MTSS1: variants seen among roughly 807,000 people sequenced by gnomAD.
MTSS1 encodes the protein protein MTSS 1.
A neutral mutation model predicts 79.0 loss-of-function variants in MTSS1; 18 were observed. The observed-to-expected ratio is 0.23, with a 90% CI of 0.16 to 0.34. MTSS1 has a LOEUF of 0.34. Among genes scored for constraint, MTSS1 ranks in the 10% least tolerant of loss-of-function variants. The pLI, the probability that MTSS1 is intolerant of heterozygous loss-of-function variation, is 1.00. For missense variants in MTSS1, 815 were observed against 986.2 expected (o/e 0.83, Z 2.33); for synonymous variants, 341 against 368.6 (o/e 0.93, Z 0.86).
At chr8:124,563,732 A>C (rs952460862) in intron 9 of MTSS1, among the ~76,000 whole-genome samples, 2 of 152,230 alleles carry the variant, frequency 1.3e-5, no homozygotes, top group Non-Finnish European at 2.9e-5. Flanking sequence ...GACTAAGGGC[A>C]ATCAATGCTC....
chr8:124,596,288 C>T (rs995138078), intron 3 of MTSS1, among the ~76,000 whole-genome samples: 3 of 152,022 alleles, frequency 2.0e-5, no homozygotes, highest in African/African-American at 4.8e-5. Context: ...CAGGAACCAA[C>T]GTGTTGCTAA....
At chr8:124,595,646 C>A (rs761100620) in intron 3 of MTSS1, among the ~76,000 whole-genome samples, 8 of 152,224 alleles carry the variant, frequency 5.3e-5, no homozygotes, top group Non-Finnish European at 8.8e-5. Flanking sequence ...CACCTCCCTG[C>A]CTCAAGACCC....
rs117574786 is a variant in MTSS1 at position 124,666,543 on chromosome 8, G to A, written c.208+32983C>T. Among the ~76,000 whole-genome samples, 131 of 152,172 alleles carry A rather than the reference G, an allele frequency of 8.6e-4. 2 individuals carry two copies. The East Asian group carries it at 0.02, about 23-fold the overall frequency. On this transcript the variant is annotated intron_variant, in intron 3 of 13. Transcript: ENST00000518547. Reference sequence around the variant, plus strand: ...AATGCATGGTCTAGCATGGGCATCCGGCTAAGTTCGCCACCGGGATCCACA... The same window carrying A: ...AATGCATGGTCTAGCATGGGCATCCAGCTAAGTTCGCCACCGGGATCCACA...
chr8:124,648,940 G>C (rs764678608), intron 3 of MTSS1, among the ~76,000 whole-genome samples: 8 of 152,240 alleles, frequency 5.3e-5, no homozygotes, highest in Non-Finnish European at 1.2e-4. Flanking sequence ...CAGCCTCTAT[G>C]AGACATACTC....
chr8:124,715,940 G>A (rs941487383), intron 1 of MTSS1, among the ~76,000 whole-genome samples: 1 of 152,202 alleles, frequency 6.6e-6, no homozygotes, highest in Non-Finnish European at 1.5e-5. Context: ...ATGGTTGTAG[G>A]ATGATGGGGA....
chr8:124,694,091 T>C (rs72714770), intron 3 of MTSS1, among the ~76,000 whole-genome samples: 3,010 of 152,308 alleles, frequency 0.02, 44 homozygotes, highest in Non-Finnish European at 0.031. Flanking sequence ...TTCAACAACA[T>C]AGATTATTTT....
intron 3 of MTSS1, among the ~76,000 whole-genome samples, chr8:124,659,179 G>T (rs950710397): frequency 6.6e-6 from 1 of 152,128 alleles, no homozygotes; most frequent in South Asian, 2.1e-4. Flanking sequence ...TCGATGAAAT[G>T]AATAATGCAC....
At chr8:124,642,319 G>A (rs4510845) in intron 3 of MTSS1, among the ~76,000 whole-genome samples, 38,722 of 152,052 alleles carry the variant, frequency 0.25, 7,113 homozygotes, top group African/African-American at 0.53. Flanking sequence ...CCACATGCTA[G>A]GATGACACAC....
chr8:124,638,784 T>C (rs2133949039), intron 3 of MTSS1, among the ~76,000 whole-genome samples: 1 of 152,286 alleles, frequency 6.6e-6, no homozygotes, highest in African/African-American at 2.4e-5. Flanking sequence ...ACAAGGGCCC[T>C]GAGGCCACAA....
At chr8:124,616,250 T>A (rs1836829450) in intron 3 of MTSS1, among the ~76,000 whole-genome samples, 1 of 152,066 alleles carries the variant, frequency 6.6e-6, no homozygotes, top group African/African-American at 2.4e-5. Context: ...AAGGAGAGCC[T>A]ATGTTTATTT....
chr8:124,605,489 C>A (rs936732434), intron 3 of MTSS1, among the ~76,000 whole-genome samples: 2 of 151,938 alleles, frequency 1.3e-5, no homozygotes, highest in African/African-American at 4.8e-5. Flanking sequence ...CCTGCTACAT[C>A]TATCCCTGAC....
At chr8:124,610,616 C>T (rs111875097) in intron 3 of MTSS1, among the ~76,000 whole-genome samples, 2,238 of 152,274 alleles carry the variant, frequency 0.015, 49 homozygotes, top group African/African-American at 0.05. Flanking sequence ...TCTTCTTTAT[C>T]GTCCCTGCCA....
At chr8:124,670,046 C>T (rs575366410) in intron 3 of MTSS1, among the ~76,000 whole-genome samples, 1 of 152,180 alleles carries the variant, frequency 6.6e-6, no homozygotes, top group Non-Finnish European at 1.5e-5. Context: ...ATGGAGCCTA[C>T]ATGCTAGTGG....
At chr8:124,704,285 A>G in intron 1 of MTSS1, 94 bp from the exon 2 acceptor site, 1 of 1,073,974 alleles carries the variant, frequency 9.3e-7, no homozygotes. Context: ...GCAGGGAACA[A>G]TCTGTGTATG....
chr8:124,574,643 A>G (rs1290754479), intron 6 of MTSS1, among the ~76,000 whole-genome samples: 1 of 152,228 alleles, frequency 6.6e-6, no homozygotes, highest in East Asian at 1.9e-4. Flanking sequence ...CTTCAGACAC[A>G]AGCTGCACTC....
At chr8:124,626,751 A>C (rs1814756356) in intron 3 of MTSS1, among the ~76,000 whole-genome samples, 1 of 152,062 alleles carries the variant, frequency 6.6e-6, no homozygotes. Flanking sequence ...AGGCCGCTAC[A>C]AGTTCTGTCT....
intron 6 of MTSS1, among the ~76,000 whole-genome samples, chr8:124,571,579 G>C (rs1232650275): frequency 6.6e-6 from 1 of 152,088 alleles, no homozygotes; most frequent in African/African-American, 2.4e-5. Context: ...GTGTAGGATG[G>C]TGAACAGAAG....
In MTSS1 at chr8:124,698,605, G is replaced by A. The variant is rs534792348; in HGVS notation, c.208+921C>T. On this transcript the variant is annotated intron_variant, in intron 3 of 13. Coordinates refer to ENST00000518547, the MANE Select transcript of MTSS1 (RefSeq NM_014751.6). ...GGGCTCACTGCAACCTCTGCCTCCCGGATTCAAGCAACTGTCATGCCTCAG... is the reference window on the plus strand; with the variant it reads ...GGGCTCACTGCAACCTCTGCCTCCCAGATTCAAGCAACTGTCATGCCTCAG... 9.4e-5 allele frequency among the ~76,000 whole-genome samples: 14 copies of A among 148,638 alleles called. No individual in the cohort carries two copies. In the South Asian group the frequency reaches 1.3e-3, roughly 14 times the overall value.
chr8:124,705,783 C>T (rs1830297962), intron 1 of MTSS1, among the ~76,000 whole-genome samples: 1 of 152,238 alleles, frequency 6.6e-6, no homozygotes, highest in Admixed American at 6.5e-5. Context: ...TCAGCCTCAA[C>T]ACTATGGACA....
Sources: allele counts gnomAD v4.1 joint callset (sites outside exome capture counted in the v4.1 genomes callset), GRCh38; gene constraint gnomAD v4.1.1; transcripts MANE v1.5; gene names NCBI Gene and HGNC (gene_info 2026-07-23, HGNC 2026-07-21).